PDSS1: variants seen among roughly 807,000 people sequenced by gnomAD.
PDSS1 encodes the protein decaprenyl diphosphate synthase subunit 1.
In PDSS1, 43 loss-of-function variants were observed where a neutral mutation model predicts 57.5. The ratio of observed to expected loss-of-function variants is 0.75; its 90% CI spans 0.59 to 0.96. PDSS1 has a LOEUF of 0.96. Ranked by LOEUF, PDSS1 falls within the 50% of genes least tolerant of loss-of-function variation. PDSS1 has a pLI of 0.00. For missense variants in PDSS1, 438 were observed against 527.8 expected, an observed-to-expected ratio of 0.83 and a Z score of 1.67; for synonymous variants, 175 against 191.3, an observed-to-expected ratio of 0.91 and a Z score of 0.70.
chr10:26,716,968 T>C (rs1835603277), intron 5 of PDSS1, among the ~76,000 whole-genome samples: 1 of 152,176 alleles, frequency 6.6e-6, no homozygotes, highest in Non-Finnish European at 1.5e-5. Context: ...TTAAGGACAG[T>C]GTGAGGTTTT....
intron 4 of PDSS1, among the ~76,000 whole-genome samples, chr10:26,708,195 A>C (rs1835304856): frequency 6.6e-6 from 1 of 152,146 alleles, no homozygotes; most frequent in African/African-American, 2.4e-5. Context: ...GCCTGGCACT[A>C]AGTCGGTAAT....
chr10:26,733,989 A>G (rs1399453520), intron 8 of PDSS1, among the ~76,000 whole-genome samples: 2 of 152,196 alleles, frequency 1.3e-5, no homozygotes, highest in Non-Finnish European at 2.9e-5. Context: ...AGAGATAATA[A>G]TAGCAAACAC....
chr10:26,735,514 A>G lies in PDSS1; in HGVS notation c.961A>G (p.Lys321Glu), dbSNP rs1361035362. 1 of 1,614,106 alleles carries G rather than the reference A, an allele frequency of 6.2e-7. No individual in the cohort carries two copies. Among genetic ancestry groups the G allele is most frequent in the East Asian group, 2.2e-5 (1 of 44,888 alleles). ...CACCTCGTGTTCTGACCAGATGGGC[A>G]AACCAACATCAGCTGATCTGAAGCT... ...DFTSCSDQMG[K>E]PTSADLKLGL... The change falls in exon 10 of 12, where the codon AAA (lysine) becomes GAA (glutamate). Residue 321 changes from lysine to glutamate, a missense_variant. By Grantham distance (56) the Lys-to-Glu change is moderately conservative. Around this residue, in one of 2 missense-constraint regions of PDSS1, gnomAD observed 284 missense variants for 390.7 expected, o/e 0.73. Transcript: ENST00000376215.
intron 8 of PDSS1, 94 bp from the exon 9 acceptor site, chr10:26,735,146 C>T (rs921036461): frequency 1.2e-6 from 1 of 851,044 alleles, no homozygotes; most frequent in African/African-American, 1.7e-5. Context: ...TCTAGCCCCG[C>T]TGCCTCCTAT....
chr10:26,701,268 T>TCAAG (rs946114823), intron 1 of PDSS1, among the ~76,000 whole-genome samples: 12 of 152,184 alleles, frequency 7.9e-5, no homozygotes, highest in African/African-American at 2.7e-4. Flanking sequence ...GGGGAGGAAT[T>TCAAG]CAAGCTGGCT....
rs146308403 is a variant in PDSS1, at chr10:26,740,480, T to A, written c.1027-2017T>A. Among the ~76,000 whole-genome samples the A allele has an allele frequency of 3.1e-3, 470 of 152,334 alleles. 2 individuals carry two copies. Among genetic ancestry groups the A allele is most frequent in the African/African-American group, 0.01 (431 of 41,580 alleles). On this transcript the variant is annotated intron_variant, in intron 10 of 11. Transcript: ENST00000376215. The stretch of plus-strand genomic sequence containing the variant: ...ATAAATTCTGTAAACACATTAGCAG[T>A]CTCCACATGTTTAGAGCTTTGTTCT...
In PDSS1 at chr10:26,697,790, G is replaced by T; in HGVS notation, c.79G>T (p.Gly27Cys). The T allele has an allele frequency of 2.3e-6, 3 of 1,311,632 alleles. No homozygotes were observed. The highest frequency in any genetic ancestry group is 2.9e-6 in the Non-Finnish European group (3 of 1,033,612). The allele number at this position is 1,311,632 out of a possible 1,614,324, so 81.2% of individuals were successfully genotyped here. Residue 27 changes from glycine to cysteine, a missense_variant, in exon 1 of 12, where the codon GGC becomes TGC. By Grantham distance (159) the Gly-to-Cys change is radical. Around this residue, in one of 2 missense-constraint regions of PDSS1, gnomAD observed 154 missense variants for 137.0 expected, o/e 1.12. Coordinates refer to ENST00000376215, the MANE Select transcript of PDSS1 (RefSeq NM_014317.5). ...AARSPGPGSP[G>C]RAGPLGPSAA... ...GCGGAGCCCCGGGCCCGGCTCCCCCGGCCGTGCGGGACCGTTGGGGCCGAG... is the reference window on the plus strand; with the variant it reads ...GCGGAGCCCCGGGCCCGGCTCCCCCTGCCGTGCGGGACCGTTGGGGCCGAG...
At chr10:26,702,907 G>A (rs545729637) in intron 2 of PDSS1, among the ~76,000 whole-genome samples, 52 of 152,226 alleles carry the variant, frequency 3.4e-4, no homozygotes, top group African/African-American at 1.1e-3. Flanking sequence ...AAACAAAATC[G>A]GAATTAGAAA....
chr10:26,718,087 A>C (rs1835656324), intron 5 of PDSS1: 1 of 151,958 alleles, frequency 6.6e-6, no homozygotes, highest in African/African-American at 2.4e-5. Context: ...TCTGTCACCC[A>C]GGCTGGAGTG....
intron 5 of PDSS1, chr10:26,715,309 G>C (rs1484902009): frequency 3.9e-5 from 6 of 152,186 alleles, no homozygotes; most frequent in African/African-American, 7.2e-5. Flanking sequence ...GAGAGCAAGA[G>C]GGCTGCAGGG....
chr10:26,697,857 C>A lies in PDSS1; in HGVS notation c.129+17C>A. 2 of 1,304,492 alleles carry A rather than the reference C, an allele frequency of 1.5e-6. No individual in the cohort carries two copies. Among genetic ancestry groups the A allele is most frequent in the Non-Finnish European group, 9.8e-7 (1 of 1,017,856 alleles). 80.8% of individuals were successfully genotyped at this position (1,304,492 alleles called of 1,614,324 possible). A position where few individuals can be genotyped will look rare whatever the true frequency, so the allele number is the denominator to read the frequency against. Reference sequence around the variant, plus strand: ...CGCGCGCAGGTGAGGTTGGGAGGCGCGCGCCCGGCGGGGCTCAGAGGTCAC... The same window carrying A: ...CGCGCGCAGGTGAGGTTGGGAGGCGAGCGCCCGGCGGGGCTCAGAGGTCAC... On this transcript the variant is annotated intron_variant, in intron 1 of 11. Transcript: ENST00000376215.
At chr10:26,743,740 A>T (rs572624461) in intron 11 of PDSS1, among the ~76,000 whole-genome samples, 14 of 152,322 alleles carry the variant, frequency 9.2e-5, no homozygotes, top group African/African-American at 3.4e-4. Context: ...ACAAAAATCC[A>T]CGGGAATGTT....
At chr10:26,706,501 A>G (rs1314661588) in intron 4 of PDSS1, among the ~76,000 whole-genome samples, 1 of 151,532 alleles carries the variant, frequency 6.6e-6, no homozygotes, top group African/African-American at 2.4e-5. Flanking sequence ...CCCTTAGCCA[A>G]CCTCCCTAGT....
chr10:26,699,400 T>C (rs568993523), intron 1 of PDSS1, among the ~76,000 whole-genome samples: 15 of 149,372 alleles, frequency 1.0e-4, no homozygotes, highest in East Asian at 9.8e-4. Flanking sequence ...TCTTCTTCTT[T>C]TTTTTTTTTT....
chr10:26,709,053 G>C (rs1470605307), intron 4 of PDSS1, among the ~76,000 whole-genome samples: 1 of 152,074 alleles, frequency 6.6e-6, no homozygotes, highest in South Asian at 2.1e-4. Flanking sequence ...ACCTCCTGCT[G>C]TCTCTTGGGG....
Position 26,716,286 on chromosome 10 carries a change from T to C in PDSS1, c.468-3932T>C, listed in dbSNP as rs147831108. 5.3e-3 allele frequency among the ~76,000 whole-genome samples: 809 copies of C among 152,328 alleles called. 2 individuals carry two copies. The highest frequency in any genetic ancestry group is 8.4e-3 in the Non-Finnish European group (569 of 68,032). On this transcript the variant is annotated intron_variant, in intron 5 of 11. Coordinates refer to ENST00000376215, the MANE Select transcript of PDSS1 (RefSeq NM_014317.5). ...TAAGACTTCACATTTTATATTAGTA[T>C]GAACAGGGAAAATATATTTTGTAAA...
chr10:26,735,104 C>G (rs1418477882), intron 8 of PDSS1, 136 bp from the exon 9 acceptor site: 5 of 743,674 alleles, frequency 6.7e-6, no homozygotes. Flanking sequence ...CTTGGTGTCC[C>G]TCTGATGTCA....
chr10:26,742,519 T>C lies in PDSS1; in HGVS notation c.1049T>C (p.Ile350Thr). The change falls in exon 11 of 12, where the codon ATC (isoleucine) becomes ACC (threonine). Residue 350 changes from isoleucine to threonine, a missense_variant. Transcript: ENST00000376215. Reference protein sequence around the residue: ...CQQFPEMNAMIMRRFSLPGDV... With the variant: ...CQQFPEMNAMTMRRFSLPGDV... ...TAGTTCCCAGAAATGAATGCTATGATCATGCGACGGTTCAGTTTGCCTGGA... is the reference window on the plus strand; with the variant it reads ...TAGTTCCCAGAAATGAATGCTATGACCATGCGACGGTTCAGTTTGCCTGGA... 1 of 1,612,270 alleles carries C rather than the reference T, an allele frequency of 6.2e-7. No individual in the cohort carries two copies. The highest frequency in any genetic ancestry group is 1.7e-5 in the Admixed American group (1 of 60,026).
chr10:26,701,338 T>C (rs1391924557), intron 1 of PDSS1, among the ~76,000 whole-genome samples: 2 of 152,154 alleles, frequency 1.3e-5, no homozygotes, highest in African/African-American at 4.8e-5. Flanking sequence ...ATGGGGAAAA[T>C]GTCTCCAGAG....
Sources: gnomAD v4.1 joint callset for allele counts (sites outside exome capture counted in the v4.1 genomes callset) on GRCh38, gnomAD v4.1.1 for gene constraint, gnomAD v4.1.1 regional missense constraint, MANE v1.5 for transcripts, NCBI Gene and HGNC (gene_info 2026-07-23, HGNC 2026-07-21) for gene names.